TRIM2: variants seen among roughly 807,000 people sequenced by gnomAD.
TRIM2 encodes the protein tripartite motif containing 2.
TRIM2 carries 20 observed loss-of-function variants against 75.2 expected under a neutral mutation model. That is an observed-to-expected ratio of 0.27 (90% confidence interval 0.19 to 0.39). The LOEUF is 0.39. Ranked by LOEUF, TRIM2 falls within the 10% of genes least tolerant of loss-of-function variation. The pLI is 1.00. For synonymous variants in TRIM2, 373 were observed against 388.3 expected (o/e 0.96, Z 0.46); for missense variants, 660 against 990.8 (o/e 0.67, Z 4.48).
chr4:153,229,935 T>C (rs1178766198), intron 1 of TRIM2, among the ~76,000 whole-genome samples: 2 of 152,248 alleles, frequency 1.3e-5, no homozygotes, highest in Non-Finnish European at 2.9e-5. Flanking sequence ...CAGGTCTTTC[T>C]ACCTCTGCAG....
intron 1 of TRIM2, among the ~76,000 whole-genome samples, chr4:153,247,615 T>G (rs1578944103): frequency 6.9e-6 from 1 of 145,096 alleles, no homozygotes; most frequent in Non-Finnish European, 1.5e-5. Context: ...GAGGCTGAGG[T>G]TGCTGTGAGC....
chr4:153,240,073 A>G (rs1746152755), intron 1 of TRIM2, among the ~76,000 whole-genome samples: 1 of 152,094 alleles, frequency 6.6e-6, no homozygotes, highest in Non-Finnish European at 1.5e-5. Flanking sequence ...GGCTCAAACA[A>G]TCCACCCGTC....
At chr4:153,244,152 TG>T (rs1422857295) in intron 1 of TRIM2, among the ~76,000 whole-genome samples, 1 of 113,974 alleles carries the variant, frequency 8.8e-6, no homozygotes, top group East Asian at 2.7e-4. Context: ...TTGTTCTTCT[TG>T]TTCTTCTTCT....
chr4:153,313,388 C>T (rs547929716), intron 6 of TRIM2, among the ~76,000 whole-genome samples: 3 of 152,248 alleles, frequency 2.0e-5, no homozygotes, highest in African/African-American at 4.8e-5. Context: ...CTGACCACCA[C>T]CTGGGTCTGG....
At chr4:153,290,714 A>T (rs1036917073) in intron 3 of TRIM2, among the ~76,000 whole-genome samples, 36 of 152,146 alleles carry the variant, frequency 2.4e-4, no homozygotes, top group African/African-American at 8.5e-4. Context: ...GCAACCTCGA[A>T]CTCCGAAGCT....
intron 3 of TRIM2, among the ~76,000 whole-genome samples, chr4:153,283,745 C>G (rs192159063): frequency 2.8e-4 from 42 of 151,360 alleles, no homozygotes; most frequent in Admixed American, 2.5e-3. Flanking sequence ...CAAGCAATTC[C>G]CTTGCCTCAG....
chr4:153,311,909 TATTTATTTA>T (rs1446435299), intron 6 of TRIM2, among the ~76,000 whole-genome samples: 1 of 148,866 alleles, frequency 6.7e-6, no homozygotes, highest in Admixed American at 6.7e-5. Context: ...TTTATTTATT[TATTTATTTA>T]TTTATTATTA....
chr4:153,308,026 C>T, intron 6 of TRIM2: 1 of 772,572 alleles, frequency 1.3e-6, no homozygotes, highest in South Asian at 1.3e-5. Flanking sequence ...CCTTTAACCT[C>T]TTTCTTGATG....
intron 1 of TRIM2, among the ~76,000 whole-genome samples, chr4:153,269,026 A>T (rs1426983696): frequency 6.6e-6 from 1 of 152,204 alleles, no homozygotes; most frequent in Non-Finnish European, 1.5e-5. Context: ...TTAAAATTCT[A>T]ATTTTCACCC....
At chr4:153,247,677 C>CAAAAAAAAAAAA (rs1183914263) in intron 1 of TRIM2, among the ~76,000 whole-genome samples, 2 of 79,538 alleles carry the variant, frequency 2.5e-5, no homozygotes, top group Non-Finnish European at 4.7e-5. Flanking sequence ...GACTCTGTCT[C>CAAAAAAAAAAAA]AAAAAAAAAA....
intron 1 of TRIM2, 97 bp from the exon 2 acceptor site, chr4:153,270,238 T>C: frequency 6.9e-7 from 1 of 1,440,812 alleles, no homozygotes; most frequent in Non-Finnish European, 9.3e-7. Flanking sequence ...GACTTCTACC[T>C]TTACTTATAG....
At chr4:153,206,111 C>T (rs1465038389) in intron 1 of TRIM2, among the ~76,000 whole-genome samples, 1 of 152,230 alleles carries the variant, frequency 6.6e-6, no homozygotes, top group Non-Finnish European at 1.5e-5. Context: ...AATGCATTCT[C>T]ACCTTCCCAC....
chr4:153,154,531 G>A (rs1031581790), intron 1 of TRIM2, among the ~76,000 whole-genome samples: 8 of 152,088 alleles, frequency 5.3e-5, no homozygotes, highest in African/African-American at 1.9e-4. Context: ...GATAGGCTAC[G>A]ATTTCTGCGT....
chr4:153,179,650 C>T (rs1169367653), intron 1 of TRIM2, among the ~76,000 whole-genome samples: 2 of 152,154 alleles, frequency 1.3e-5, no homozygotes, highest in Non-Finnish European at 2.9e-5. Context: ...TCACTGTTTA[C>T]GCATAATGAC....
intron 1 of TRIM2, among the ~76,000 whole-genome samples, chr4:153,225,574 G>A (rs911624781): frequency 6.6e-6 from 1 of 152,150 alleles, no homozygotes; most frequent in African/African-American, 2.4e-5. Flanking sequence ...GTTTAATTTA[G>A]TATTTTCTCT....
rs1772645207 is a variant in TRIM2 at position 153,337,983 on chromosome 4, G to A, written c.*3017G>A. 1 of 985,726 alleles carries A rather than the reference G, an allele frequency of 1.0e-6. No homozygotes were observed. The highest frequency in any genetic ancestry group is 1.2e-6 in the Non-Finnish European group (1 of 829,896). 61.1% of individuals were successfully genotyped at this position (985,726 alleles called of 1,614,324 possible). On this transcript the variant is annotated 3_prime_UTR_variant, in exon 12 of 12. Coordinates refer to ENST00000338700, the MANE Select transcript of TRIM2 (RefSeq NM_015271.5). ...ACATGACTACAAGTCCTTTATGACT[G>A]TTTGCCATTTTTTTTAATGGTACTT...
intron 1 of TRIM2, among the ~76,000 whole-genome samples, chr4:153,252,551 A>T (rs1191875718): frequency 6.6e-6 from 1 of 152,146 alleles, no homozygotes; most frequent in Non-Finnish European, 1.5e-5. Flanking sequence ...TCACTCTGTC[A>T]CCCAGGCTGG....
intron 1 of TRIM2, among the ~76,000 whole-genome samples, chr4:153,165,702 T>G (rs1160316413): frequency 6.6e-6 from 1 of 152,210 alleles, no homozygotes; most frequent in Non-Finnish European, 1.5e-5. Context: ...GACTCCATGA[T>G]TCTGTACCAC....
At chr4:153,169,855 G>A (rs1361238485) in intron 1 of TRIM2, among the ~76,000 whole-genome samples, 2 of 152,158 alleles carry the variant, frequency 1.3e-5, no homozygotes, top group Non-Finnish European at 2.9e-5. Context: ...TATGGGATAC[G>A]TGAACCATGT....
Sources: allele counts gnomAD v4.1 joint callset (sites outside exome capture counted in the v4.1 genomes callset), GRCh38; gene constraint gnomAD v4.1.1; transcripts MANE v1.5; gene names NCBI Gene and HGNC (gene_info 2026-07-23, HGNC 2026-07-21).